The following GDNF variants were observed in gnomAD, a reference collection of about 807,000 sequenced individuals.
GDNF encodes the protein glial cell derived neurotrophic factor.
GDNF carries 5 observed loss-of-function variants against 13.7 expected under a neutral mutation model. The ratio of observed to expected loss-of-function variants is 0.36; its 90% CI spans 0.19 to 0.77. The LOEUF (loss-of-function observed/expected upper bound fraction) is 0.77. Among genes scored for constraint, GDNF ranks in the 30% least tolerant of loss-of-function variants. The pLI is 0.51. For synonymous variants in GDNF, 122 were observed against 112.5 expected (o/e 1.08, Z -0.53); for missense variants, 246 against 274.3 (o/e 0.90, Z 0.73).
chr5:37,827,851 G>C (rs1180895724), intron 2 of GDNF, among the ~76,000 whole-genome samples: 1 of 152,158 alleles, frequency 6.6e-6, no homozygotes, highest in Non-Finnish European at 1.5e-5. Context: ...TCCTGAAAGG[G>C]CTAGAAATGA....
intron 1 of GDNF, chr5:37,835,476 A>T: frequency 6.8e-7 from 1 of 1,465,144 alleles, no homozygotes; most frequent in Non-Finnish European, 9.0e-7. Context: ...GGACTTGGAG[A>T]CTTTTGGCCT....
rs1750805527 is a variant in GDNF at position 37,839,023 on chromosome 5, A to C, written c.-27+484T>G. On this transcript the variant is annotated intron_variant, in intron 1 of 2. Coordinates refer to ENST00000326524, the MANE Select transcript of GDNF (RefSeq NM_000514.4). The surrounding 1 kb of genome is among the most constrained non-coding windows in gnomAD (Gnocchi z 5.5). Reference sequence around the variant, plus strand: ...ATTTTTAGGTTCTCAGCACCTTTGCAGCAGCCCCTCCCCCGGCCTGCGCTT... The same window carrying C: ...ATTTTTAGGTTCTCAGCACCTTTGCCGCAGCCCCTCCCCCGGCCTGCGCTT... 6.6e-6 allele frequency among the ~76,000 whole-genome samples: 1 copy of C among 152,168 alleles called. No homozygotes were observed. The highest frequency in any genetic ancestry group is 2.4e-5 in the African/African-American group (1 of 41,452).
At position 37,815,751 on chromosome 5, in the gene GDNF, C is replaced by A; in HGVS notation, c.536G>T (p.Cys179Phe). The change falls in exon 3 of 3, where the codon TGC becomes TTC. Residue 179 changes from cysteine to phenylalanine, a missense_variant. By Grantham distance (205) the Cys-to-Phe change is radical (BLOSUM62 -2). Coordinates refer to ENST00000326524, the MANE Select transcript of GDNF (RefSeq NM_000514.4). The surrounding 1 kb of genome is among the most constrained non-coding windows in gnomAD (Gnocchi z 5.0). ...GTCATCATCAAAGGCGATGGGTCTG[C>A]AACATGCCTGCCCTACTTTGTCACT... ...LVSDKVGQAC[C>F]RPIAFDDDLS... 3 of 1,614,116 alleles carry A rather than the reference C, an allele frequency of 1.9e-6. No homozygotes were observed. The highest frequency in any genetic ancestry group is 2.5e-6 in the Non-Finnish European group (3 of 1,179,980).
At position 37,815,998 on chromosome 5, in the gene GDNF, C is replaced by T. The variant is rs1449411629; in HGVS notation, c.289G>A (p.Ala97Thr). The change falls in exon 3 of 3, where the codon GCT (alanine) becomes ACT (threonine). Residue 97 changes from alanine to threonine, a missense_variant. Coordinates refer to ENST00000326524, the MANE Select transcript of GDNF (RefSeq NM_000514.4). The surrounding 1 kb of genome is among the most constrained non-coding windows in gnomAD (Gnocchi z 5.0). Reference sequence around the variant, plus strand: ...CCTCTGGAATTCTCTGGGTTGGCAGCTGCAGCCTGCCGATTCCGCTCTCTT... The same window carrying T: ...CCTCTGGAATTCTCTGGGTTGGCAGTTGCAGCCTGCCGATTCCGCTCTCTT... ...PRRERNRQAA[A>T]ANPENSRGKG... 2.5e-6 allele frequency: 4 copies of T among 1,613,804 alleles called. No homozygotes were observed. The highest frequency in any genetic ancestry group is 3.4e-6 in the Non-Finnish European group (4 of 1,179,772).
chr5:37,834,453 C>G lies in GDNF; in HGVS notation c.151+193G>C, dbSNP rs547564060. Among the ~76,000 whole-genome samples, 27 of 152,348 alleles carry G rather than the reference C, an allele frequency of 1.8e-4. 1 individual carries two copies. In the South Asian group the frequency reaches 5.4e-3, roughly 30 times the overall value. On this transcript the variant is annotated intron_variant, in intron 2 of 2. Coordinates refer to ENST00000326524, the MANE Select transcript of GDNF (RefSeq NM_000514.4). Reference sequence around the variant, plus strand: ...GTGCTGGGCAAACCAGCGCGTGTCACTTTCAGGCCAGGCGTGCGGGCAGCA... The same window carrying G: ...GTGCTGGGCAAACCAGCGCGTGTCAGTTTCAGGCCAGGCGTGCGGGCAGCA...
intron 2 of GDNF, among the ~76,000 whole-genome samples, chr5:37,823,019 C>A (rs2111665673): frequency 6.6e-6 from 1 of 152,330 alleles, no homozygotes; most frequent in African/African-American, 2.4e-5. Context: ...TAGATAAGAG[C>A]TTCCTTGAAG....
intron 2 of GDNF, among the ~76,000 whole-genome samples, chr5:37,817,612 T>C (rs1422064245): frequency 6.6e-6 from 1 of 151,452 alleles, no homozygotes; most frequent in African/African-American, 2.4e-5. Flanking sequence ...AGAGTGTGTG[T>C]GTGTGTGTGT....
chr5:37,834,001 G>A (rs1750610398), intron 2 of GDNF, among the ~76,000 whole-genome samples: 1 of 152,176 alleles, frequency 6.6e-6, no homozygotes, highest in Non-Finnish European at 1.5e-5. Flanking sequence ...ATTGTCTCAC[G>A]TGGAGTGAGC....
chr5:37,819,863 A>T (rs1313598245), intron 2 of GDNF, among the ~76,000 whole-genome samples: 1 of 152,164 alleles, frequency 6.6e-6, no homozygotes. Flanking sequence ...ACTTTGGTTG[A>T]CAGAAACAAT....
intron 2 of GDNF, among the ~76,000 whole-genome samples, chr5:37,822,017 T>C (rs1754431976): frequency 6.6e-6 from 1 of 152,258 alleles, no homozygotes; most frequent in African/African-American, 2.4e-5. Flanking sequence ...CTCCTCAGCC[T>C]GGCCAGGCAG....
chr5:37,822,575 A>G (rs1199119343), intron 2 of GDNF, among the ~76,000 whole-genome samples: 1 of 152,186 alleles, frequency 6.6e-6, no homozygotes, highest in Non-Finnish European at 1.5e-5. Context: ...AGCGGTTCCT[A>G]TGAAAGGCTG....
intron 2 of GDNF, among the ~76,000 whole-genome samples, chr5:37,827,492 A>G (rs761115164): frequency 3.3e-5 from 5 of 152,250 alleles, no homozygotes; most frequent in Non-Finnish European, 5.9e-5. Context: ...TCACTGTGCT[A>G]CAAACACTTG....
At chr5:37,826,395 C>T (rs77247977) in intron 2 of GDNF, among the ~76,000 whole-genome samples, 1 of 152,160 alleles carries the variant, frequency 6.6e-6, no homozygotes, top group African/African-American at 2.4e-5. Context: ...AGCAAGATTG[C>T]CCAAAAGGGG....
rs1561138621 is a variant in GDNF, at chr5:37,837,622, C to T, written c.-27+1885G>A. ...CCACGCGGCCCGGAGGCTGTGTTAT[C>T]ATTTTAGTTATAAAACCGGAGAACC... On this transcript the variant is annotated intron_variant, in intron 1 of 2. Coordinates refer to ENST00000326524, the MANE Select transcript of GDNF (RefSeq NM_000514.4). This position sits in a 1 kb window ranked among gnomAD's most constrained non-coding sequence, Gnocchi z 6.5. Among the ~76,000 whole-genome samples, 1 of 152,226 alleles carries T rather than the reference C, an allele frequency of 6.6e-6. No individual in the cohort carries two copies. The highest frequency in any genetic ancestry group is 2.4e-5 in the African/African-American group (1 of 41,470).
chr5:37,838,912 T>A lies in GDNF; in HGVS notation c.-27+595A>T, dbSNP rs748858627. On this transcript the variant is annotated intron_variant, in intron 1 of 2. Transcript: ENST00000326524. This position sits in a 1 kb window ranked among gnomAD's most constrained non-coding sequence, Gnocchi z 4.1. ...TCCTAACCTCGACGGGGATGGTTAG[T>A]TGGGGTGGAGGGCGTTAGGAACGTG... Among the ~76,000 whole-genome samples the A allele has an allele frequency of 1.3e-5, 2 of 152,038 alleles. No individual in the cohort carries two copies. The highest frequency in any genetic ancestry group is 2.9e-5 in the Non-Finnish European group (2 of 68,006).
At chr5:37,821,430 G>C (rs1433252151) in intron 2 of GDNF, among the ~76,000 whole-genome samples, 1 of 152,012 alleles carries the variant, frequency 6.6e-6, no homozygotes, top group Admixed American at 6.6e-5. Flanking sequence ...AACCACAAAA[G>C]AGGAGCATCA....
intron 2 of GDNF, among the ~76,000 whole-genome samples, chr5:37,819,514 A>G (rs978685956): frequency 2.1e-5 from 3 of 142,662 alleles, no homozygotes; most frequent in African/African-American, 7.9e-5. Context: ...GTGCAATGGC[A>G]TGGTCTCGGC....
Position 37,837,620 on chromosome 5 carries a change from A to G in GDNF, c.-27+1887T>C, listed in dbSNP as rs1020170089. On this transcript the variant is annotated intron_variant, in intron 1 of 2. Coordinates refer to ENST00000326524, the MANE Select transcript of GDNF (RefSeq NM_000514.4). This position sits in a 1 kb window ranked among gnomAD's most constrained non-coding sequence, Gnocchi z 6.5. ...GCCCACGCGGCCCGGAGGCTGTGTTATCATTTTAGTTATAAAACCGGAGAA... is the reference window on the plus strand; with the variant it reads ...GCCCACGCGGCCCGGAGGCTGTGTTGTCATTTTAGTTATAAAACCGGAGAA... Among the ~76,000 whole-genome samples, 31 of 152,320 alleles carry G rather than the reference A, an allele frequency of 2.0e-4. No individual in the cohort carries two copies. The highest frequency in any genetic ancestry group is 1.7e-3 in the Admixed American group (26 of 15,308).
rs145248803 is a variant in GDNF at position 37,828,093 on chromosome 5, G to A, written c.151+6553C>T. On this transcript the variant is annotated intron_variant, in intron 2 of 2. Transcript: ENST00000326524. Reference sequence around the variant, plus strand: ...CCAGTGGTGACCCAAGTCTGCTTACGCATACTCCTATTCCCACTGAGGCCA... The same window carrying A: ...CCAGTGGTGACCCAAGTCTGCTTACACATACTCCTATTCCCACTGAGGCCA... Among the ~76,000 whole-genome samples, 331 of 152,256 alleles carry A rather than the reference G, an allele frequency of 2.2e-3. 1 individual carries two copies. Among genetic ancestry groups the A allele is most frequent in the African/African-American group, 7.6e-3 (314 of 41,528 alleles).
Sources: gnomAD v4.1 joint callset for allele counts (sites outside exome capture counted in the v4.1 genomes callset) on GRCh38, gnomAD v4.1.1 for gene constraint, Gnocchi (gnomAD v3.1) non-coding constraint, MANE v1.5 for transcripts, NCBI Gene and HGNC (gene_info 2026-07-23, HGNC 2026-07-21) for gene names.